RNF217: variants seen among roughly 807,000 people sequenced by gnomAD.
RNF217 encodes E3 ubiquitin-protein ligase RNF217.
A neutral mutation model predicts 57.8 loss-of-function variants in RNF217; 31 were observed. The ratio of observed to expected loss-of-function variants is 0.54; its 90% CI spans 0.40 to 0.72. The LOEUF (loss-of-function observed/expected upper bound fraction) is 0.72, where lower values mean the gene tolerates loss of function less well. RNF217 is among the 30% of genes least tolerant of loss of function. The pLI, the probability that RNF217 is intolerant of heterozygous loss-of-function variation, is 0.00. For synonymous variants in RNF217, 313 were observed against 294.0 expected, an observed-to-expected ratio of 1.06 and a Z score of -0.66; for missense variants, 696 against 708.3, an observed-to-expected ratio of 0.98 and a Z score of 0.20.
In RNF217 at chr6:124,971,093, G is replaced by A. The variant is rs1036019708; in HGVS notation, c.882+7667G>A. ...ATATGAGGGAACTCGAGGTTAGAGA[G>A]ATTAAATAACTTGCCCAAAATCTCA... On this transcript the variant is annotated intron_variant, in intron 1 of 5. Coordinates refer to ENST00000521654, the MANE Select transcript of RNF217 (RefSeq NM_001286398.3). Among the ~76,000 whole-genome samples, 3 of 152,312 alleles carry A rather than the reference G, an allele frequency of 2.0e-5. No homozygotes were observed. The South Asian group carries it at 6.2e-4, about 32-fold the overall frequency.
intron 3 of RNF217, among the ~76,000 whole-genome samples, chr6:125,064,021 T>C (rs1582768235): frequency 6.6e-6 from 1 of 152,194 alleles, no homozygotes; most frequent in East Asian, 1.9e-4. Context: ...ATTTTTTTGG[T>C]CTTTTATATC....
rs750507353 is a variant in RNF217, at chr6:125,090,234, T to C, written c.*7297T>C. On this transcript the variant is annotated 3_prime_UTR_variant, in exon 6 of 6. Transcript: ENST00000521654. ...GACAATCTGTTACAGATTTTTAATATGAAAATTGACAATTTTGTTGCTTTT... is the reference window on the plus strand; with the variant it reads ...GACAATCTGTTACAGATTTTTAATACGAAAATTGACAATTTTGTTGCTTTT... 6.6e-6 allele frequency: 1 copy of C among 152,056 alleles called. No homozygotes were observed. The highest frequency in any genetic ancestry group is 2.4e-5 in the African/African-American group (1 of 41,438). The allele number at this position is 152,056 out of a possible 1,614,324, so 9.4% of individuals were successfully genotyped here.
rs780670523 is a variant in RNF217 at position 125,082,552 on chromosome 6, C to T, written c.1556-312C>T. ...TGTTGTTAAGTGATATGCTATACTG[C>T]CTGAAACAAGTGTGAGTATCATAGT... is the stretch of plus-strand genomic sequence containing the variant. On this transcript the variant is annotated intron_variant, in intron 5 of 5. Transcript: ENST00000521654. 27 of 1,612,108 alleles carry T rather than the reference C, an allele frequency of 1.7e-5. No individual in the cohort carries two copies. In the Middle Eastern group the frequency reaches 1.3e-3, roughly 79 times the overall value.
intron 3 of RNF217, among the ~76,000 whole-genome samples, chr6:125,063,321 A>T (rs1286276248): frequency 1.3e-5 from 2 of 152,198 alleles, no homozygotes; most frequent in Admixed American, 6.5e-5. Context: ...TCACACATAC[A>T]CTAAATTGTA....
rs1788965182 is a variant in RNF217 at position 125,091,946 on chromosome 6, T to G, written c.*9009T>G. The G allele has an allele frequency of 6.6e-6, 1 of 152,198 alleles. No individual in the cohort carries two copies. Among genetic ancestry groups the G allele is most frequent in the Non-Finnish European group, 1.5e-5 (1 of 68,032 alleles). 9.4% of individuals were successfully genotyped at this position (152,198 alleles called of 1,614,324 possible). Reference sequence around the variant, plus strand: ...CAAAATGCTAGGTTTGTTATATTCTTTATGTATCATAATATATAATTCAAC... The same window carrying G: ...CAAAATGCTAGGTTTGTTATATTCTGTATGTATCATAATATATAATTCAAC... On this transcript the variant is annotated 3_prime_UTR_variant, in exon 6 of 6. Coordinates refer to ENST00000521654, the MANE Select transcript of RNF217 (RefSeq NM_001286398.3).
At chr6:125,047,026 T>C (rs1231759427) in intron 2 of RNF217, among the ~76,000 whole-genome samples, 1 of 152,094 alleles carries the variant, frequency 6.6e-6, no homozygotes, top group African/African-American at 2.4e-5. Flanking sequence ...TTTTATTTCA[T>C]GCTATATATC....
At chr6:125,055,063 T>C (rs1787472288) in intron 2 of RNF217, among the ~76,000 whole-genome samples, 1 of 152,094 alleles carries the variant, frequency 6.6e-6, no homozygotes, top group Non-Finnish European at 1.5e-5. Context: ...CAATTTTGAA[T>C]ATGGTTAAGT....
chr6:125,027,964 T>A (rs982970598), intron 1 of RNF217, among the ~76,000 whole-genome samples: 3 of 152,174 alleles, frequency 2.0e-5, no homozygotes, highest in Admixed American at 6.5e-5. Context: ...GCCCATTTTT[T>A]AATCAGATTA....
At chr6:125,047,126 A>G (rs1023458499) in intron 2 of RNF217, among the ~76,000 whole-genome samples, 2 of 152,094 alleles carry the variant, frequency 1.3e-5, no homozygotes, top group Non-Finnish European at 2.9e-5. Flanking sequence ...TCGTAATTCC[A>G]TAAATTAGGA....
intron 1 of RNF217, among the ~76,000 whole-genome samples, chr6:124,996,985 C>G (rs899009656): frequency 6.6e-6 from 1 of 152,066 alleles, no homozygotes; most frequent in Non-Finnish European, 1.5e-5. Context: ...AAAATATGTT[C>G]CTCTTCACAC....
Position 125,084,669 on chromosome 6 carries a change from C to T in RNF217, c.*1732C>T, listed in dbSNP as rs559907914. ...GCATGCTTTCATTCTTTCTGAATAA[C>T]ACAGAATAACTGTGCTACAGCTTCT... On this transcript the variant is annotated 3_prime_UTR_variant, in exon 6 of 6. Coordinates refer to ENST00000521654, the MANE Select transcript of RNF217 (RefSeq NM_001286398.3). The T allele has an allele frequency of 6.6e-6, 1 of 152,082 alleles. No individual in the cohort carries two copies. The highest frequency in any genetic ancestry group is 2.1e-4 in the South Asian group (1 of 4,818). The allele number at this position is 152,082 out of a possible 1,614,324, so 9.4% of individuals were successfully genotyped here. A position where few individuals can be genotyped will look rare whatever the true frequency, so the allele number is the denominator to read the frequency against.
chr6:125,004,525 C>T lies in RNF217; in HGVS notation c.883-40686C>T, dbSNP rs75872615. On this transcript the variant is annotated intron_variant, in intron 1 of 5. Coordinates refer to ENST00000521654, the MANE Select transcript of RNF217 (RefSeq NM_001286398.3). The stretch of plus-strand genomic sequence containing the variant: ...TAACTGTCTGGCAAATTAAAGATAA[C>T]GAGAATGACTTTCTTCCCTGCCTAG... 5.0e-3 allele frequency among the ~76,000 whole-genome samples: 767 copies of T among 152,262 alleles called. 11 individuals are homozygous for T. Among genetic ancestry groups the T allele is most frequent in the African/African-American group, 0.018 (733 of 41,548 alleles).
chr6:124,996,633 G>A (rs1210376380), intron 1 of RNF217: 1 of 152,116 alleles, frequency 6.6e-6, no homozygotes, highest in Non-Finnish European at 1.5e-5. Flanking sequence ...GTCAAGTTTT[G>A]TGTAACCTGA....
chr6:125,066,588 T>A (rs1299808827), intron 3 of RNF217, among the ~76,000 whole-genome samples: 1 of 152,154 alleles, frequency 6.6e-6, no homozygotes, highest in Non-Finnish European at 1.5e-5. Context: ...TCAGTAAAAC[T>A]TCCCTTGGTC....
intron 3 of RNF217, among the ~76,000 whole-genome samples, chr6:125,070,410 A>T (rs1204030851): frequency 2.0e-5 from 3 of 152,162 alleles, no homozygotes; most frequent in African/African-American, 7.2e-5. Flanking sequence ...CTTTACTTTT[A>T]GTTCTTCAAG....
intron 4 of RNF217, among the ~76,000 whole-genome samples, 159 bp downstream of exon 4, chr6:125,077,017 A>T (rs1562498107): frequency 6.6e-6 from 1 of 152,106 alleles, no homozygotes; most frequent in East Asian, 1.9e-4. Context: ...TTAAAACTTA[A>T]ATTTTGTTAC....
intron 2 of RNF217, among the ~76,000 whole-genome samples, chr6:125,056,835 T>G (rs1175004054): frequency 2.0e-5 from 3 of 151,668 alleles, no homozygotes; most frequent in Non-Finnish European, 4.4e-5. Context: ...GAGTTAGGAG[T>G]GGAAATAATG....
At chr6:124,975,792 G>T (rs1453497007) in intron 1 of RNF217, among the ~76,000 whole-genome samples, 4 of 151,970 alleles carry the variant, frequency 2.6e-5, no homozygotes, top group African/African-American at 9.7e-5. Flanking sequence ...TGATTCTCTT[G>T]CCAGAGATGC....
At chr6:125,064,227 C>T (rs1171974923) in intron 3 of RNF217, among the ~76,000 whole-genome samples, 1 of 152,146 alleles carries the variant, frequency 6.6e-6, no homozygotes, top group Non-Finnish European at 1.5e-5. Context: ...TAGCTTTTCC[C>T]TAACTACTGA....
Sources: gnomAD v4.1 joint callset for allele counts (sites outside exome capture counted in the v4.1 genomes callset) on GRCh38, gnomAD v4.1.1 for gene constraint, MANE v1.5 for transcripts, NCBI Gene and HGNC (gene_info 2026-07-23, HGNC 2026-07-21) for gene names.